The following MSH5 variants were observed in gnomAD, a reference collection of about 807,000 sequenced individuals.
MSH5 encodes the protein mutS homolog 5.
Under a neutral mutation model 107.7 loss-of-function variants are expected in MSH5, and 78 were observed. The ratio of observed to expected loss-of-function variants is 0.72; its 90% CI spans 0.60 to 0.87. The LOEUF (loss-of-function observed/expected upper bound fraction) is 0.87. Ranked by LOEUF, MSH5 falls within the 40% of genes least tolerant of loss-of-function variation. MSH5 has a pLI of 0.00. For synonymous variants in MSH5, 326 were observed against 399.5 expected, an observed-to-expected ratio of 0.82 and a Z score of 2.19; for missense variants, 889 against 1,046.6, an observed-to-expected ratio of 0.85 and a Z score of 2.08.
chr6:31,758,017 C>A lies in MSH5; in HGVS notation c.1015-148C>A. Reference sequence around the variant, plus strand: ...TGTAGTTTCAGTGTTTGGTACAGTGCCTCTCACTGTTTCTTTTTGCCTTTG... The same window carrying A: ...TGTAGTTTCAGTGTTTGGTACAGTGACTCTCACTGTTTCTTTTTGCCTTTG... On this transcript the variant is annotated intron_variant, in intron 12 of 24. Transcript: ENST00000375750. This position sits in a 1 kb window ranked among gnomAD's most constrained non-coding sequence, Gnocchi z 5.1. 1.1e-6 allele frequency: 1 copy of A among 893,390 alleles called. No homozygotes were observed. Among genetic ancestry groups the A allele is most frequent in the Non-Finnish European group, 1.7e-6 (1 of 578,660 alleles). The allele number at this position is 893,390 out of a possible 1,614,324, so 55.3% of individuals were successfully genotyped here.
At chr6:31,743,243 C>T in intron 5 of MSH5, 73 bp downstream of exon 5, 4 of 1,456,206 alleles carry the variant, frequency 2.7e-6, no homozygotes, top group Non-Finnish European at 3.9e-6. Flanking sequence ...CTACCTTCAT[C>T]ATCACAGATC....
At chr6:31,744,495 G>T in intron 7 of MSH5, 51 bp from the exon 8 acceptor site, 1 of 1,602,394 alleles carries the variant, frequency 6.2e-7, no homozygotes, top group Non-Finnish European at 8.5e-7. Context: ...AGGAAGTGGA[G>T]TTGTGGAACG....
intron 12 of MSH5, among the ~76,000 whole-genome samples, chr6:31,754,987 C>T (rs1359165161): frequency 6.6e-6 from 1 of 151,976 alleles, no homozygotes; most frequent in Non-Finnish European, 1.5e-5. Flanking sequence ...CTCCTGACCT[C>T]GTGATCCACC....
intron 5 of MSH5, 159 bp downstream of exon 5, chr6:31,743,329 C>T (rs1809092391): frequency 1.4e-6 from 1 of 721,440 alleles, no homozygotes. Context: ...ATCTCTCCTG[C>T]TCCCTACCCT....
At position 31,759,765 on chromosome 6, in the gene MSH5, C is replaced by G. The variant is rs1430762008; in HGVS notation, c.1496-21C>G. The G allele has an allele frequency of 6.2e-7, 1 of 1,609,976 alleles. No individual in the cohort carries two copies. The highest frequency in any genetic ancestry group is 2.2e-5 in the East Asian group (1 of 44,860). ...TTTCCCCTGGAACTGACCTCCAGCTCCCTTCCTCACCCACTCCCAGACCAG... is the reference window on the plus strand; with the variant it reads ...TTTCCCCTGGAACTGACCTCCAGCTGCCTTCCTCACCCACTCCCAGACCAG... On this transcript the variant is annotated intron_variant, in intron 17 of 24. Coordinates refer to ENST00000375750, the MANE Select transcript of MSH5 (RefSeq NM_172166.4). The surrounding 1 kb of genome is among the most constrained non-coding windows in gnomAD (Gnocchi z 4.7).
chr6:31,740,599 G>A lies in MSH5; in HGVS notation c.133G>A (p.Glu45Lys). ...CGAGGAGGAGGAAGTCGAGGAGGAG[G>A]AGGAGCTGGCCGAGGTCTCTGAGGG... ...EAEEEEVEEE[E>K]ELAEIHLCVL... The change falls in exon 2 of 25, where the codon GAG (glutamate) becomes AAG (lysine). Residue 45 changes from glutamate (E) to lysine (K), a missense_variant. This residue lies in a region of MSH5 where 518 missense variants were observed against 565.0 expected (regional missense o/e 0.92). Transcript: ENST00000375750. This position sits in a 1 kb window ranked among gnomAD's most constrained non-coding sequence, Gnocchi z 4.4. 1 of 1,506,588 alleles carries A rather than the reference G, an allele frequency of 6.6e-7. No individual in the cohort carries two copies. The highest frequency in any genetic ancestry group is 8.9e-7 in the Non-Finnish European group (1 of 1,129,834). 93.3% of individuals were successfully genotyped at this position (1,506,588 alleles called of 1,614,324 possible). A position where few individuals can be genotyped will look rare whatever the true frequency, so the allele number is the denominator to read the frequency against.
intron 12 of MSH5, among the ~76,000 whole-genome samples, chr6:31,754,907 A>G (rs1810304946): frequency 6.6e-6 from 1 of 151,014 alleles, no homozygotes; most frequent in South Asian, 2.1e-4. Context: ...ACATGCCACC[A>G]TGCCCAAGTT....
At chr6:31,746,080 T>TTGGG (rs1554205307) in intron 9 of MSH5, 2 of 116,736 alleles carry the variant, frequency 1.7e-5, no homozygotes, top group African/African-American at 7.4e-5. Context: ...GTGTCCAGTT[T>TTGGG]TGTGTGTGTG....
At position 31,744,255 on chromosome 6, in the gene MSH5, C is replaced by CTA; in HGVS notation, c.606_607dup (p.Asn203IlefsTer15). Reference sequence around the variant, plus strand: ...GAAGAATCGGGGTTGAACTGGAAGACTATAATGTCAGCGTCCCCATCCTGG... The same window carrying CTA: ...GAAGAATCGGGGTTGAACTGGAAGACTATATAATGTCAGCGTCCCCATCCTGG... On this transcript the variant is annotated frameshift_variant, in exon 7 of 25. Coordinates refer to ENST00000375750, the MANE Select transcript of MSH5 (RefSeq NM_172166.4). LOFTEE classifies it high-confidence loss of function. 6.2e-7 allele frequency: 1 copy of CTA among 1,614,168 alleles called. No homozygotes were observed.
chr6:31,759,787 C>A lies in MSH5; in HGVS notation c.1497C>A (p.Asp499Glu), dbSNP rs1364214339. 2 of 1,612,672 alleles carry A rather than the reference C, an allele frequency of 1.2e-6. No homozygotes were observed. The change falls in exon 18 of 25, where the codon GAC becomes GAA. Residue 499 changes from aspartate (D) to glutamate (E), a missense_variant and splice_region_variant. Asp to Glu is a conservative substitution (Grantham distance 45, BLOSUM62 2). This residue lies in a region of MSH5 where 362 missense variants were observed against 456.2 expected (regional missense o/e 0.79). Coordinates refer to ENST00000375750, the MANE Select transcript of MSH5 (RefSeq NM_172166.4). This position sits in a 1 kb window ranked among gnomAD's most constrained non-coding sequence, Gnocchi z 4.7. Reference protein sequence around the residue: ...LLGDLHCEIRDQETLLMYQLQ... With the variant: ...LLGDLHCEIREQETLLMYQLQ... ...GCTCCCTTCCTCACCCACTCCCAGA[C>A]CAGGAGACGCTGCTGATGTACCAGC... is the stretch of plus-strand genomic sequence containing the variant.
At chr6:31,746,944 C>T (rs950835966) in intron 9 of MSH5, among the ~76,000 whole-genome samples, 7 of 151,922 alleles carry the variant, frequency 4.6e-5, no homozygotes, top group Non-Finnish European at 7.4e-5. Flanking sequence ...TTCAGCCTCC[C>T]GAGTAGCTGG....
rs760408814 is a variant in MSH5, at chr6:31,745,269, C to T, written c.716C>T (p.Pro239Leu). 6 of 1,613,574 alleles carry T rather than the reference C, an allele frequency of 3.7e-6. No homozygotes were observed. Among genetic ancestry groups the T allele is most frequent in the South Asian group, 1.1e-5 (1 of 91,064 alleles). The change falls in exon 9 of 25, where the codon CCC (proline) becomes CTC (leucine). Residue 239 changes from proline to leucine, a missense_variant. By Grantham distance (98) the Pro-to-Leu change is moderately conservative. Around this residue, in one of 3 missense-constraint regions of MSH5, gnomAD observed 518 missense variants for 565.0 expected, o/e 0.92. Coordinates refer to ENST00000375750, the MANE Select transcript of MSH5 (RefSeq NM_172166.4). ...CAGATTTTTAAGAGTGAGTCTCACC[C>T]CTCAGTGTACAAAGTGGCCAGTGGA... The part of the protein sequence containing the change: ...VLQIFKSESH[P>L]SVYKVASGLK...
At position 31,740,953 on chromosome 6, in the gene MSH5, T is replaced by C. The variant is rs1808806440; in HGVS notation, c.148-210T>C. Among the ~76,000 whole-genome samples, 1 of 150,762 alleles carries C rather than the reference T, an allele frequency of 6.6e-6. No individual in the cohort carries two copies. Reference sequence around the variant, plus strand: ...TTCAGCCTGGGCGACAGAGCAAGACTCCGTCTCAAAGAAAGAAAGAAAAAA... The same window carrying C: ...TTCAGCCTGGGCGACAGAGCAAGACCCCGTCTCAAAGAAAGAAAGAAAAAA... On this transcript the variant is annotated intron_variant, in intron 2 of 24. Coordinates refer to ENST00000375750, the MANE Select transcript of MSH5 (RefSeq NM_172166.4). The surrounding 1 kb of genome is among the most constrained non-coding windows in gnomAD (Gnocchi z 4.4).
At chr6:31,742,517 C>G (rs944607364) in intron 3 of MSH5, among the ~76,000 whole-genome samples, 1 of 152,198 alleles carries the variant, frequency 6.6e-6, no homozygotes, top group African/African-American at 2.4e-5. Context: ...CTTGGCCTCC[C>G]AAAGGGCAGG....
chr6:31,746,634 A>G (rs1327941061), intron 9 of MSH5, among the ~76,000 whole-genome samples: 1 of 151,178 alleles, frequency 6.6e-6, no homozygotes, highest in African/African-American at 2.4e-5. Context: ...TATTTTTAGT[A>G]GAGATGGTGT....
intron 10 of MSH5, among the ~76,000 whole-genome samples, chr6:31,751,890 C>G (rs568394731): frequency 2.0e-5 from 3 of 151,348 alleles, no homozygotes; most frequent in African/African-American, 7.3e-5. Flanking sequence ...CCTGAGGTCA[C>G]GATTTTGAGA....
intron 3 of MSH5, among the ~76,000 whole-genome samples, chr6:31,742,120 T>C (rs1300146602): frequency 6.6e-6 from 1 of 152,220 alleles, no homozygotes; most frequent in Non-Finnish European, 1.5e-5. Context: ...CAACACGATA[T>C]TTGGCAGGGA....
At chr6:31,742,244 T>G (rs1325610521) in intron 3 of MSH5, among the ~76,000 whole-genome samples, 2 of 152,192 alleles carry the variant, frequency 1.3e-5, no homozygotes, top group Admixed American at 6.5e-5. Flanking sequence ...TTTGTGAGGC[T>G]GTTTTTTGGT....
Position 31,762,621 on chromosome 6 carries a change from T to C in MSH5, c.*90T>C. On this transcript the variant is annotated 3_prime_UTR_variant, in exon 25 of 25. Coordinates refer to ENST00000375750, the MANE Select transcript of MSH5 (RefSeq NM_172166.4). ...CCTTATCTCCCTCAGACGCAGAGTTTTTAGTTTCTCTAGAAATTTTGTTTC... is the reference window on the plus strand; with the variant it reads ...CCTTATCTCCCTCAGACGCAGAGTTCTTAGTTTCTCTAGAAATTTTGTTTC... 1 of 766,870 alleles carries C rather than the reference T, an allele frequency of 1.3e-6. No individual in the cohort carries two copies. Among genetic ancestry groups the C allele is most frequent in the Non-Finnish European group, 2.2e-6 (1 of 454,744 alleles). The allele number at this position is 766,870 out of a possible 1,614,324, so 47.5% of individuals were successfully genotyped here. A position where few individuals can be genotyped will look rare whatever the true frequency, so the allele number is the denominator to read the frequency against.
Sources: gnomAD v4.1 joint callset for allele counts (sites outside exome capture counted in the v4.1 genomes callset) on GRCh38, gnomAD v4.1.1 for gene constraint, gnomAD v4.1.1 regional missense constraint, Gnocchi (gnomAD v3.1) non-coding constraint, MANE v1.5 for transcripts, NCBI Gene and HGNC (gene_info 2026-07-23, HGNC 2026-07-21) for gene names.